The following CEP126 variants were observed in gnomAD, a reference collection of about 807,000 sequenced individuals.
CEP126 encodes the protein centrosomal protein 126, also known as centrosomal protein of 126 kDa.
Under a neutral mutation model 107.8 loss-of-function variants are expected in CEP126, and 74 were observed. That is an observed-to-expected ratio of 0.69 (90% CI 0.57 to 0.83). The LOEUF (loss-of-function observed/expected upper bound fraction) is 0.83, where lower values mean the gene tolerates loss of function less well. CEP126 is among the 40% of genes least tolerant of loss of function. The pLI, the probability that CEP126 is intolerant of heterozygous loss-of-function variation, is 0.00. For synonymous variants in CEP126, 449 were observed against 446.0 expected (o/e 1.01, Z -0.08); for missense variants, 1,237 against 1,281.9 (o/e 0.96, Z 0.53).
Position 101,915,318 on chromosome 11 carries a change from G to A in CEP126, c.34G>A (p.Val12Ile), listed in dbSNP as rs150590684. Residue 12 changes from valine (V) to isoleucine (I), a missense_variant, in exon 1 of 11, where the codon GTC (valine) becomes ATC (isoleucine). By Grantham distance (29) the Val-to-Ile change is conservative. Transcript: ENST00000263468. ...LAGRPGTRSA[V>I]GELGTESSDN... is the part of the protein sequence containing the mutation. ...GGGGAGGCCCGGAACCCGGAGCGCGGTCGGGGAACTGGGCACTGAATCATC... is the reference window on the plus strand; with the variant it reads ...GGGGAGGCCCGGAACCCGGAGCGCGATCGGGGAACTGGGCACTGAATCATC... 2.5e-6 allele frequency: 4 copies of A among 1,613,892 alleles called. No individual in the cohort carries two copies. The African/African-American group carries it at 4.0e-5, about 16-fold the overall frequency.
At chr11:101,988,654 A>C (rs1261216712) in intron 9 of CEP126, among the ~76,000 whole-genome samples, 1 of 152,178 alleles carries the variant, frequency 6.6e-6, no homozygotes, top group Non-Finnish European at 1.5e-5. Flanking sequence ...CAATGTGCTG[A>C]GAGAAAGTAA....
At chr11:101,937,873 G>A (rs1486096448) in intron 2 of CEP126, among the ~76,000 whole-genome samples, 1 of 151,816 alleles carries the variant, frequency 6.6e-6, no homozygotes, top group Non-Finnish European at 1.5e-5. Context: ...GTCCATTTTG[G>A]CCGGGCGCGG....
intron 2 of CEP126, among the ~76,000 whole-genome samples, chr11:101,937,166 T>C (rs976028939): frequency 1.3e-5 from 2 of 152,228 alleles, no homozygotes; most frequent in African/African-American, 4.8e-5. Flanking sequence ...TTTGTGTACA[T>C]TGAACCATCA....
rs1172318115 is a variant in CEP126, at chr11:101,999,484, A to G, written c.*1841A>G. 3.9e-5 allele frequency: 3 copies of G among 76,090 alleles called. No homozygotes were observed. The highest frequency in any genetic ancestry group is 1.4e-4 in the African/African-American group (3 of 20,720). 4.7% of individuals were successfully genotyped at this position (76,090 alleles called of 1,614,324 possible). ...AATAGTTAAGATCCAAAGTCAGAAT[A>G]GGCCAAAAAAAAAAAAAAAAAAAGC... On this transcript the variant is annotated 3_prime_UTR_variant, in exon 11 of 11. Transcript: ENST00000263468.
At chr11:101,979,787 T>C (rs1236424482) in intron 7 of CEP126, among the ~76,000 whole-genome samples, 1 of 152,092 alleles carries the variant, frequency 6.6e-6, no homozygotes, top group African/African-American at 2.4e-5. Context: ...ATGGAGGTAA[T>C]TCTGTAAGAG....
chr11:101,959,225 C>T (rs910245607), intron 5 of CEP126, among the ~76,000 whole-genome samples: 11 of 151,220 alleles, frequency 7.3e-5, no homozygotes, highest in Non-Finnish European at 1.3e-4. Context: ...GGTGCAATCT[C>T]GGCTCACTGC....
chr11:101,942,772 T>A (rs1940684119), intron 2 of CEP126, among the ~76,000 whole-genome samples: 1 of 152,062 alleles, frequency 6.6e-6, no homozygotes, highest in African/African-American at 2.4e-5. Flanking sequence ...TTTACATTTA[T>A]TTGCATCTTT....
At chr11:101,984,269 A>C (rs1941290164) in intron 8 of CEP126, among the ~76,000 whole-genome samples, 1 of 152,208 alleles carries the variant, frequency 6.6e-6, no homozygotes, top group Non-Finnish European at 1.5e-5. Flanking sequence ...GAACACAGGG[A>C]CTAAAGACAC....
intron 10 of CEP126, among the ~76,000 whole-genome samples, chr11:101,996,267 TCAGCAGCTTGGG>T (rs1941440268): frequency 6.6e-6 from 1 of 152,194 alleles, no homozygotes; most frequent in Non-Finnish European, 1.5e-5. Flanking sequence ...TAGTTCCACT[TCAGCAGCTTGGG>T]CATGCTTGGA....
In CEP126 at chr11:101,999,993, C is replaced by A. The variant is rs1237645832; in HGVS notation, c.*2350C>A. On this transcript the variant is annotated 3_prime_UTR_variant, in exon 11 of 11. Coordinates refer to ENST00000263468, the MANE Select transcript of CEP126 (RefSeq NM_020802.4). ...GTCAAGAGATCAAGACCATCCTGGC[C>A]AACATGGTGAAACCCTGTCTCTACT... The A allele has an allele frequency of 6.6e-6, 1 of 152,066 alleles. No homozygotes were observed. The highest frequency in any genetic ancestry group is 1.9e-4 in the East Asian group (1 of 5,148). The allele number at this position is 152,066 out of a possible 1,614,324, so 9.4% of individuals were successfully genotyped here. A position where few individuals can be genotyped will look rare whatever the true frequency, so the allele number is the denominator to read the frequency against.
At chr11:101,990,152 G>A (rs1591296533) in intron 9 of CEP126, among the ~76,000 whole-genome samples, 1 of 151,690 alleles carries the variant, frequency 6.6e-6, no homozygotes, top group African/African-American at 2.4e-5. Context: ...GGGAGCCATA[G>A]GCACAAGGGA....
At position 101,962,476 on chromosome 11, in the gene CEP126, C is replaced by T. The variant is rs1940991346; in HGVS notation, c.1441C>T (p.His481Tyr). 7 of 1,613,104 alleles carry T rather than the reference C, an allele frequency of 4.3e-6. No individual in the cohort carries two copies. Among genetic ancestry groups the T allele is most frequent in the Non-Finnish European group, 5.9e-6 (7 of 1,179,644 alleles). Residue 481 changes from histidine (H) to tyrosine (Y), a missense_variant, in exon 6 of 11, where the codon CAC becomes TAC. By Grantham distance (83) the His-to-Tyr change is moderately conservative. Transcript: ENST00000263468. ...SARPSAKNSI[H>Y]IKEIDAVQCS... is the part of the protein sequence containing the mutation. ...TAGACCTTCAGCAAAGAACAGTATA[C>T]ACATAAAAGAAATTGATGCAGTGCA...
chr11:101,965,289 T>C (rs1941045651), intron 6 of CEP126, among the ~76,000 whole-genome samples: 1 of 152,154 alleles, frequency 6.6e-6, no homozygotes, highest in Non-Finnish European at 1.5e-5. Flanking sequence ...TGAATAAATA[T>C]TGATATATAA....
Position 101,986,969 on chromosome 11 carries a change from A to C in CEP126, c.3172A>C (p.Asn1058His). ...NLPLNKTQQF[N>H]ICTLSAEEQK... ...ACCTTTAAATAAAACTCAACAATTC[A>C]ACATCTGCACACTGTCAGCTGAAGA... Residue 1058 changes from asparagine (N) to histidine (H), a missense_variant, in exon 9 of 11, where the codon AAC becomes CAC. Physicochemically the swap from Asn to His is moderately conservative, Grantham distance 68 (BLOSUM62 1). Around this residue, in one of 3 missense-constraint regions of CEP126, gnomAD observed 99 missense variants for 114.4 expected, o/e 0.87. Coordinates refer to ENST00000263468, the MANE Select transcript of CEP126 (RefSeq NM_020802.4). The C allele has an allele frequency of 6.2e-7, 1 of 1,613,822 alleles. No homozygotes were observed. The highest frequency in any genetic ancestry group is 8.5e-7 in the Non-Finnish European group (1 of 1,179,822).
rs142506758 is a variant in CEP126 at position 101,924,833 on chromosome 11, T to C, written c.248+2073T>C. On this transcript the variant is annotated intron_variant, in intron 2 of 10. Coordinates refer to ENST00000263468, the MANE Select transcript of CEP126 (RefSeq NM_020802.4). ...GTCAGTTATACATTGACATTGTCAGTGTTATGTGTCCAGCAGAAGTCAAAG... is the reference window on the plus strand; with the variant it reads ...GTCAGTTATACATTGACATTGTCAGCGTTATGTGTCCAGCAGAAGTCAAAG... Among the ~76,000 whole-genome samples the C allele has an allele frequency of 9.1e-3, 1,387 of 152,256 alleles. 70 individuals carry two copies. Among genetic ancestry groups the C allele is most frequent in the Admixed American group, 0.084 (1,284 of 15,278 alleles).
chr11:101,955,811 G>A, intron 4 of CEP126: 1 of 451,744 alleles, frequency 2.2e-6, no homozygotes, highest in Non-Finnish European at 4.5e-6. Flanking sequence ...TGCCTGTCCA[G>A]CTGTCTCCAC....
At chr11:101,989,989 A>G (rs959492559) in intron 9 of CEP126, among the ~76,000 whole-genome samples, 1 of 150,318 alleles carries the variant, frequency 6.7e-6, no homozygotes, top group Non-Finnish European at 1.5e-5. Flanking sequence ...AGAAACATCT[A>G]AAGAGAGACA....
intron 2 of CEP126, among the ~76,000 whole-genome samples, chr11:101,942,235 T>A (rs1940675469): frequency 6.6e-6 from 1 of 152,178 alleles, no homozygotes; most frequent in Non-Finnish European, 1.5e-5. Flanking sequence ...TTCTGTATGT[T>A]CTCTTCTGAG....
chr11:101,921,745 A>C (rs1214970628), intron 1 of CEP126, among the ~76,000 whole-genome samples: 40 of 2,528 alleles, frequency 0.016, no homozygotes, highest in African/African-American at 0.055. Context: ...GAATGAAGAT[A>C]TACAGTCCTC....
Sources: gnomAD v4.1 joint callset for allele counts (sites outside exome capture counted in the v4.1 genomes callset) on GRCh38, gnomAD v4.1.1 for gene constraint, gnomAD v4.1.1 regional missense constraint, MANE v1.5 for transcripts, NCBI Gene and HGNC (gene_info 2026-07-23, HGNC 2026-07-21) for gene names.